Variants in PBRM1 observed in about 807,000 individuals in gnomAD.
PBRM1 encodes polybromo 1.
A neutral mutation model predicts 194.5 loss-of-function variants in PBRM1; 27 were observed. That is an observed-to-expected ratio of 0.14 (90% confidence interval 0.10 to 0.19). The LOEUF is 0.19. PBRM1 is among the 10% of genes least tolerant of loss of function. PBRM1 has a pLI of 1.00. For missense variants in PBRM1, 1,466 were observed against 2,077.2 expected, an observed-to-expected ratio of 0.71 and a Z score of 5.72; for synonymous variants, 655 against 693.2, an observed-to-expected ratio of 0.94 and a Z score of 0.87.
intron 26 of PBRM1, 100 bp downstream of exon 28, chr3:52,558,149 T>C (rs1401882992): frequency 3.7e-6 from 3 of 816,248 alleles, no homozygotes. Flanking sequence ...GAATCTGTCA[T>C]GAGAAAAGGC....
intron 7 of PBRM1, among the ~76,000 whole-genome samples, chr3:52,645,959 T>C (rs2096279118): frequency 6.6e-6 from 1 of 152,234 alleles, no homozygotes; most frequent in Non-Finnish European, 1.5e-5. Context: ...TACGCTGACC[T>C]AAAAATCAAA....
At chr3:52,637,149 T>C (rs761271531) in intron 10 of PBRM1, among the ~76,000 whole-genome samples, 3 of 152,194 alleles carry the variant, frequency 2.0e-5, no homozygotes, top group Non-Finnish European at 4.4e-5. Context: ...CACCTAGGTA[T>C]ATATTTTGTT....
intron 2 of PBRM1, among the ~76,000 whole-genome samples, chr3:52,670,937 G>A (rs1176514173): frequency 6.6e-6 from 1 of 152,194 alleles, no homozygotes; most frequent in African/African-American, 2.4e-5. Flanking sequence ...CTAGATTCTA[G>A]CCAATACGAG....
At chr3:52,637,193 C>T (rs1388325996) in intron 10 of PBRM1, among the ~76,000 whole-genome samples, 1 of 152,160 alleles carries the variant, frequency 6.6e-6, no homozygotes, top group Non-Finnish European at 1.5e-5. Context: ...AAAAAACTGT[C>T]AACTGTAATC....
intron 17 of PBRM1, among the ~76,000 whole-genome samples, chr3:52,599,017 TCAAA>T (rs2093780921): frequency 1.6e-5 from 1 of 62,014 alleles, no homozygotes; most frequent in African/African-American, 8.5e-5. Flanking sequence ...GCCAGATATC[TCAAA>T]AAAAAAAAAA....
At chr3:52,573,590 C>T (rs1342726183) in intron 22 of PBRM1, among the ~76,000 whole-genome samples, 4 of 152,124 alleles carry the variant, frequency 2.6e-5, no homozygotes, top group South Asian at 2.1e-4. Flanking sequence ...CCACCATGCC[C>T]GGCCAGAATG....
chr3:52,680,753 C>G (rs907519425), upstream of PBRM1, among the ~76,000 whole-genome samples: 2 of 152,172 alleles, frequency 1.3e-5, no homozygotes, highest in South Asian at 4.1e-4. Context: ...CCTCCACCTC[C>G]CAGTTTCAAG....
intron 17 of PBRM1, among the ~76,000 whole-genome samples, chr3:52,593,737 T>C (rs1273137451): frequency 1.3e-5 from 2 of 152,274 alleles, no homozygotes; most frequent in East Asian, 1.9e-4. Context: ...AATTGTATGG[T>C]TTTGAGTGAT....
At chr3:52,622,759 G>A (rs1170397486) in intron 13 of PBRM1, among the ~76,000 whole-genome samples, 1 of 152,110 alleles carries the variant, frequency 6.6e-6, no homozygotes, top group Non-Finnish European at 1.5e-5. Context: ...AATGTTTCAT[G>A]CCACAATGTA....
chr3:52,572,836 A>G (rs1033063732), intron 22 of PBRM1, among the ~76,000 whole-genome samples: 4 of 124,288 alleles, frequency 3.2e-5, no homozygotes, highest in Admixed American at 2.7e-4. Context: ...AGACACAAAA[A>G]AGTGCAAAAT....
At chr3:52,664,008 C>A (rs919715643) in intron 3 of PBRM1, among the ~76,000 whole-genome samples, 4 of 148,592 alleles carry the variant, frequency 2.7e-5, no homozygotes, top group Non-Finnish European at 5.9e-5. Flanking sequence ...TGCAGTAAGC[C>A]GAGATAGCGC....
rs2154056708 is a variant in PBRM1 at position 52,678,482 on chromosome 3, G to T, written c.236+18C>A. 10 of 1,520,922 alleles carry T rather than the reference G, an allele frequency of 6.6e-6. No homozygotes were observed. The highest frequency in any genetic ancestry group is 8.2e-6 in the Non-Finnish European group (9 of 1,095,036). The allele number at this position is 1,520,922 out of a possible 1,614,324, so 94.2% of individuals were successfully genotyped here. ...GGACCAAATCCCCCGCAACTGTACT[G>T]ATGTGCTTCGAACTCACCTTCGCTT... On this transcript the variant is annotated intron_variant, in intron 2 of 29. Transcript: ENST00000296302.
intron 17 of PBRM1, among the ~76,000 whole-genome samples, chr3:52,597,299 T>C (rs1015497168): frequency 7.2e-5 from 11 of 152,208 alleles, no homozygotes; most frequent in African/African-American, 2.7e-4. Flanking sequence ...TTTCTGTGTG[T>C]AGATAGTTGT....
intron 6 of PBRM1, among the ~76,000 whole-genome samples, chr3:52,649,491 C>T (rs1302468962): frequency 2.0e-5 from 3 of 152,202 alleles, no homozygotes; most frequent in Admixed American, 6.5e-5. Context: ...AATGGCACCA[C>T]AAAGAGGCTG....
intron 16 of PBRM1, among the ~76,000 whole-genome samples, chr3:52,604,058 A>G (rs2094179159): frequency 1.3e-5 from 2 of 152,212 alleles, no homozygotes; most frequent in African/African-American, 4.8e-5. Context: ...TGCCAGAACC[A>G]AGAATTGTAC....
intron 20 of PBRM1, among the ~76,000 whole-genome samples, chr3:52,582,030 G>A (rs1179589146): frequency 1.3e-5 from 2 of 151,912 alleles, no homozygotes; most frequent in Admixed American, 6.6e-5. Flanking sequence ...GTCACCTGAG[G>A]TCAGGAGTTC....
Position 52,603,391 on chromosome 3 carries a change from C to T in PBRM1, c.2779+130G>A, listed in dbSNP as rs191377844. On this transcript the variant is annotated intron_variant, in intron 17 of 29. Coordinates refer to ENST00000296302, the Ensembl canonical transcript of PBRM1. ...CTATAAAAATATTTCCATCTCATTG[C>T]GTCTACTCTAATATAGTCAATACCC... 2.8e-5 allele frequency: 25 copies of T among 879,222 alleles called. No homozygotes were observed. The East Asian group carries it at 4.5e-4, about 16-fold the overall frequency. The allele number at this position is 879,222 out of a possible 1,614,324, so 54.5% of individuals were successfully genotyped here.
At chr3:52,632,319 C>T (rs2095645166) in intron 11 of PBRM1, among the ~76,000 whole-genome samples, 1 of 152,068 alleles carries the variant, frequency 6.6e-6, no homozygotes. Flanking sequence ...TATGGTGGCT[C>T]ACACCTGGAA....
exon 22 of PBRM1, chr3:52,576,653 G>C: frequency 3.7e-6 from 6 of 1,609,790 alleles, no homozygotes; most frequent in Non-Finnish European, 5.1e-6. Flanking sequence ...TGAAGATGGG[G>C]CCATAAAAAT....
Sources: gnomAD v4.1 joint callset for allele counts (sites outside exome capture counted in the v4.1 genomes callset) on GRCh38, gnomAD v4.1.1 for gene constraint, MANE v1.5 for transcripts, NCBI Gene and HGNC (gene_info 2026-07-23, HGNC 2026-07-21) for gene names.